KDM4C: variants seen among roughly 807,000 people sequenced by gnomAD.
KDM4C encodes lysine-specific demethylase 4C.
KDM4C carries 81 observed loss-of-function variants against 129.3 expected under a neutral mutation model. That is an observed-to-expected ratio of 0.63 (90% CI 0.52 to 0.75). The LOEUF is 0.75. Ranked by LOEUF, KDM4C falls within the 30% of genes least tolerant of loss-of-function variation. The pLI, the probability that KDM4C is intolerant of heterozygous loss-of-function variation, is 0.00. For synonymous variants in KDM4C, 573 were observed against 456.1 expected, an observed-to-expected ratio of 1.26 and a Z score of -3.26; for missense variants, 1,457 against 1,304.0, an observed-to-expected ratio of 1.12 and a Z score of -1.81.
At chr9:6,750,648 T>G (rs971928627) in intron 1 of KDM4C, among the ~76,000 whole-genome samples, 2 of 152,164 alleles carry the variant, frequency 1.3e-5, no homozygotes, top group African/African-American at 4.8e-5. Context: ...AGTTTGACAC[T>G]GAGGAGAAAA....
chr9:6,994,068 C>T (rs1406672905), intron 12 of KDM4C, among the ~76,000 whole-genome samples: 4 of 152,086 alleles, frequency 2.6e-5, no homozygotes, highest in Admixed American at 1.3e-4. Flanking sequence ...TAAAGCTGTT[C>T]CACCTCGGAT....
intron 17 of KDM4C, among the ~76,000 whole-genome samples, chr9:7,064,067 A>T (rs1415395346): frequency 6.6e-6 from 1 of 152,172 alleles, no homozygotes; most frequent in Non-Finnish European, 1.5e-5. Flanking sequence ...TTTAACTTTA[A>T]ATTTGCTATG....
chr9:6,957,496 A>G (rs1829274730), intron 8 of KDM4C, among the ~76,000 whole-genome samples: 1 of 151,998 alleles, frequency 6.6e-6, no homozygotes. Context: ...CCACCATGAT[A>G]TTAGGTAATT....
In KDM4C at chr9:6,771,080, C is replaced by CTTTTTTTT. The variant is rs35945405; in HGVS notation, c.-18+12899_-18+12906dup. ...TGAGCCACTGCGCCCGACTGTGAAT[C>CTTTTTTTT]TTTTTTTTTTTTTTTTTTTTTTTTT... On this transcript the variant is annotated intron_variant, in intron 1 of 21. Transcript: ENST00000381309. Among the ~76,000 whole-genome samples the CTTTTTTTT allele has an allele frequency of 2.9e-3, 168 of 56,974 alleles. 25 individuals are homozygous for CTTTTTTTT. Among genetic ancestry groups the CTTTTTTTT allele is most frequent in the African/African-American group, 4.5e-3 (59 of 13,244 alleles). 37.4% of individuals were successfully genotyped at this position (56,974 alleles called of 152,430 possible). A position where few individuals can be genotyped will look rare whatever the true frequency, so the allele number is the denominator to read the frequency against.
chr9:6,729,553 AAAAC>A lies in KDM4C; in HGVS notation c.49+8560_49+8563del, dbSNP rs1462535333. On this transcript the variant is annotated intron_variant, in intron 1 of 17. Coordinates refer to the KDM4C transcript ENST00000536108. ...CAGAGACCCTGTCTCAAAAACAAAA[AAAAC>A]AAATCTCCATAACTGATTATTTTTG... Among the ~76,000 whole-genome samples the A allele has an allele frequency of 2.4e-4, 32 of 134,242 alleles. 11 individuals carry two copies. The highest frequency in any genetic ancestry group is 1.0e-3 in the African/African-American group (32 of 31,654). 88.1% of individuals were successfully genotyped at this position (134,242 alleles called of 152,430 possible). A position where few individuals can be genotyped will look rare whatever the true frequency, so the allele number is the denominator to read the frequency against.
chr9:6,953,034 G>A (rs978575831), intron 8 of KDM4C, among the ~76,000 whole-genome samples: 1 of 152,158 alleles, frequency 6.6e-6, no homozygotes, highest in Non-Finnish European at 1.5e-5. Context: ...ATGATAAAAT[G>A]TAATGCATTA....
chr9:6,813,336 A>T (rs1049692034), intron 3 of KDM4C, among the ~76,000 whole-genome samples: 1 of 152,158 alleles, frequency 6.6e-6, no homozygotes, highest in African/African-American at 2.4e-5. Flanking sequence ...TCCCATGCCC[A>T]TCCTTTTTAT....
intron 2 of KDM4C, among the ~76,000 whole-genome samples, chr9:6,801,641 G>GTC (rs752049998): frequency 6.8e-4 from 91 of 133,204 alleles, no homozygotes; most frequent in Middle Eastern, 3.7e-3. Flanking sequence ...CTCTCTCTCT[G>GTC]TCTCTCTCTC....
At position 6,735,222 on chromosome 9, in the gene KDM4C, A is replaced by G. The variant is rs972539937; in HGVS notation, c.49+14225A>G. The stretch of plus-strand genomic sequence containing the variant: ...TGCAGAAACAGAGCTCCCATCACCC[A>G]TGTTGCATTATCACCTGACCTCTTT... On this transcript the variant is annotated intron_variant, in intron 1 of 17. Transcript: ENST00000536108. 58 of 193,892 alleles carry G rather than the reference A, an allele frequency of 3.0e-4. 1 individual carries two copies. Among genetic ancestry groups the G allele is most frequent in the African/African-American group, 1.3e-3 (52 of 39,942 alleles). 12.0% of individuals were successfully genotyped at this position (193,892 alleles called of 1,614,324 possible).
rs537225553 is a variant in KDM4C, at chr9:6,958,648, G to C, written c.922-22277G>C. 2.0e-5 allele frequency among the ~76,000 whole-genome samples: 3 copies of C among 149,274 alleles called. No homozygotes were observed. In the East Asian group the frequency reaches 5.9e-4, roughly 29 times the overall value. On this transcript the variant is annotated intron_variant, in intron 8 of 21. Coordinates refer to ENST00000381309, the MANE Select transcript of KDM4C (RefSeq NM_015061.6). ...TTTACTTTTTCCCCCTAGTAGTTTG[G>C]CTATAATGTTAAAAATACATTATGC...
At chr9:6,917,275 A>G (rs1254511906) in intron 8 of KDM4C, among the ~76,000 whole-genome samples, 1 of 152,122 alleles carries the variant, frequency 6.6e-6, no homozygotes. Flanking sequence ...CCTCTGATCT[A>G]CACCACCTGT....
intron 19 of KDM4C, among the ~76,000 whole-genome samples, chr9:7,154,479 G>A (rs994302061): frequency 2.6e-5 from 4 of 152,192 alleles, no homozygotes; most frequent in African/African-American, 7.2e-5. Flanking sequence ...TGGGGATAGG[G>A]CTAAGGCAAC....
chr9:6,994,021 A>G (rs1043552200), intron 12 of KDM4C, among the ~76,000 whole-genome samples: 1 of 151,828 alleles, frequency 6.6e-6, no homozygotes, highest in African/African-American at 2.4e-5. Context: ...TTTTCCATGG[A>G]TGGGGCAGGG....
chr9:6,797,288 G>T (rs143055573), intron 2 of KDM4C, among the ~76,000 whole-genome samples: 90 of 152,166 alleles, frequency 5.9e-4, no homozygotes, highest in African/African-American at 2.1e-3. Flanking sequence ...TGCCTGGCCC[G>T]TTAATCCACT....
intron 14 of KDM4C, among the ~76,000 whole-genome samples, chr9:7,015,388 C>G (rs915260357): frequency 1.3e-5 from 2 of 152,052 alleles, no homozygotes; most frequent in Admixed American, 6.6e-5. Context: ...ACTGAATAGA[C>G]AAATCGAATT....
intron 14 of KDM4C, chr9:7,014,353 C>G (rs532040478): frequency 2.2e-4 from 39 of 174,714 alleles, no homozygotes; most frequent in African/African-American, 9.2e-4. Flanking sequence ...TGATTGATGA[C>G]TGCTTTTCTT....
At position 6,758,016 on chromosome 9, in the gene KDM4C, C is replaced by A. The variant is rs1588079732; in HGVS notation, c.-205C>A. The A allele has an allele frequency of 2.0e-6, 2 of 985,430 alleles. No homozygotes were observed. The highest frequency in any genetic ancestry group is 1.7e-5 in the African/African-American group (1 of 57,362). 61.0% of individuals were successfully genotyped at this position (985,430 alleles called of 1,614,324 possible). A position where few individuals can be genotyped will look rare whatever the true frequency, so the allele number is the denominator to read the frequency against. On this transcript the variant is annotated 5_prime_UTR_variant, in exon 1 of 22. Coordinates refer to ENST00000381309, the MANE Select transcript of KDM4C (RefSeq NM_015061.6). This position sits in a 1 kb window ranked among gnomAD's most constrained non-coding sequence, Gnocchi z 4.6. ...GCCTTCGCCGCTGCCTCCCACCCAC[C>A]CCCTCGACGGGAGGGTGAGGCGCGG...
chr9:6,851,736 C>T (rs1838880378), intron 5 of KDM4C, among the ~76,000 whole-genome samples: 1 of 152,090 alleles, frequency 6.6e-6, no homozygotes, highest in Non-Finnish European at 1.5e-5. Context: ...GCTGTCTTGT[C>T]TTCTCCTGGG....
At chr9:6,931,428 A>G (rs761207386) in intron 8 of KDM4C, among the ~76,000 whole-genome samples, 40 of 152,128 alleles carry the variant, frequency 2.6e-4, no homozygotes, top group Non-Finnish European at 5.9e-4. Context: ...GCCATCAACT[A>G]AACACGCATG....
Sources: allele counts gnomAD v4.1 joint callset (sites outside exome capture counted in the v4.1 genomes callset), GRCh38; gene constraint gnomAD v4.1.1; non-coding constraint Gnocchi (gnomAD v3.1); transcripts MANE v1.5; gene names NCBI Gene and HGNC (gene_info 2026-07-23, HGNC 2026-07-21).